PTPRD: variants seen among roughly 807,000 people sequenced by gnomAD.
PTPRD encodes receptor-type tyrosine-protein phosphatase delta.
In PTPRD, 34 loss-of-function variants were observed where a neutral mutation model predicts 214.5. The observed-to-expected ratio is 0.16, with a 90% CI of 0.12 to 0.21. The LOEUF is 0.21. Ranked by LOEUF, PTPRD falls within the 10% of genes least tolerant of loss-of-function variation. The pLI is 1.00. For missense variants in PTPRD, 2,545 were observed against 2,398.7 expected (o/e 1.06, Z -1.27); for synonymous variants, 1,128 against 845.7 (o/e 1.33, Z -5.79).
intron 8 of PTPRD, among the ~76,000 whole-genome samples, chr9:9,436,684 A>G (rs950518802): frequency 6.6e-6 from 1 of 151,614 alleles, no homozygotes; most frequent in African/African-American, 2.4e-5. Context: ...TGAAAAAAAA[A>G]ATCTCTCTAC....
intron 2 of PTPRD, among the ~76,000 whole-genome samples, chr9:10,559,128 A>G (rs1322308): frequency 0.01 from 1,551 of 152,208 alleles, 26 homozygotes; most frequent in African/African-American, 0.034. Context: ...AAACATGAAG[A>G]CCTTAAATGC....
chr9:10,479,658 T>TAAACAAACAAACAAACAAAC (rs1555402919), intron 2 of PTPRD, among the ~76,000 whole-genome samples: 1 of 145,812 alleles, frequency 6.9e-6, no homozygotes, highest in African/African-American at 2.5e-5. Context: ...AATAAATAAA[T>TAAACAAACAAACAAACAAAC]AAACAAAAAT....
At position 8,317,180 on chromosome 9, in the gene PTPRD, T is replaced by A. The variant is rs910364495; in HGVS notation, c.*694A>T. ...AAAATGTGCAAATTTTCAAATGATT[T>A]GATATTTCTACAGCAAGATATTACA... On this transcript the variant is annotated 3_prime_UTR_variant, in exon 46 of 46. Transcript: ENST00000381196. 4.3e-6 allele frequency: 1 copy of A among 231,956 alleles called. No individual in the cohort carries two copies. Among genetic ancestry groups the A allele is most frequent in the Non-Finnish European group, 8.5e-6 (1 of 117,076 alleles). The allele number at this position is 231,956 out of a possible 1,614,324, so 14.4% of individuals were successfully genotyped here. A position where few individuals can be genotyped will look rare whatever the true frequency, so the allele number is the denominator to read the frequency against.
chr9:10,235,418 G>T (rs2099625733), intron 3 of PTPRD, among the ~76,000 whole-genome samples: 1 of 152,026 alleles, frequency 6.6e-6, no homozygotes, highest in Non-Finnish European at 1.5e-5. Flanking sequence ...AAAGACTCAG[G>T]ACGCTAAAGA....
rs146695796 is a variant in PTPRD at position 9,795,979 on chromosome 9, G to A, written c.-367-29128C>T. ...AATATATCAATGACTATGCACCACCGTCACAAGAAAAAAGAAAATATATAG... is the reference window on the plus strand; with the variant it reads ...AATATATCAATGACTATGCACCACCATCACAAGAAAAAAGAAAATATATAG... On this transcript the variant is annotated intron_variant, in intron 5 of 45. Coordinates refer to ENST00000381196, the MANE Select transcript of PTPRD (RefSeq NM_002839.4). Among the ~76,000 whole-genome samples the A allele has an allele frequency of 2.3e-3, 343 of 151,712 alleles. 2 individuals carry two copies. Among genetic ancestry groups the A allele is most frequent in the African/African-American group, 7.9e-3 (325 of 41,390 alleles).
At chr9:9,059,856 G>A (rs953880629) in intron 10 of PTPRD, among the ~76,000 whole-genome samples, 1 of 151,970 alleles carries the variant, frequency 6.6e-6, no homozygotes, top group Non-Finnish European at 1.5e-5. Context: ...AAAATGTATA[G>A]GACCCCTACA....
chr9:9,998,861 AT>A (rs1410128799), intron 4 of PTPRD, among the ~76,000 whole-genome samples: 3 of 152,212 alleles, frequency 2.0e-5, no homozygotes, highest in Admixed American at 6.5e-5. Context: ...TCATGCTGCC[AT>A]TTGGAAGAAA....
chr9:9,507,372 T>C (rs906149504), intron 8 of PTPRD, among the ~76,000 whole-genome samples: 1 of 151,212 alleles, frequency 6.6e-6, no homozygotes, highest in Admixed American at 6.6e-5. Flanking sequence ...TTCTATATAC[T>C]TTCTTGGATT....
At chr9:8,722,599 C>T (rs1007890325) in intron 12 of PTPRD, among the ~76,000 whole-genome samples, 7 of 151,910 alleles carry the variant, frequency 4.6e-5, no homozygotes, top group African/African-American at 1.7e-4. Flanking sequence ...AATCCTATTG[C>T]TGTAATTTTG....
intron 11 of PTPRD, among the ~76,000 whole-genome samples, chr9:8,933,663 A>G (rs1006395073): frequency 6.6e-6 from 1 of 152,120 alleles, no homozygotes; most frequent in African/African-American, 2.4e-5. Context: ...CTATAGAAAT[A>G]TTTGACTCAA....
chr9:9,443,504 C>T (rs754747481), intron 8 of PTPRD, among the ~76,000 whole-genome samples: 5 of 152,198 alleles, frequency 3.3e-5, no homozygotes, highest in Non-Finnish European at 7.3e-5. Flanking sequence ...AGAAGTTTGA[C>T]TTTGCCAGAT....
intron 8 of PTPRD, among the ~76,000 whole-genome samples, chr9:9,405,657 A>G (rs1161086606): frequency 1.3e-5 from 2 of 152,076 alleles, no homozygotes; most frequent in African/African-American, 4.8e-5. Context: ...TTTTTAAAGC[A>G]AAATAAAGCT....
At chr9:10,508,790 G>A (rs2046972961) in intron 2 of PTPRD, among the ~76,000 whole-genome samples, 1 of 151,966 alleles carries the variant, frequency 6.6e-6, no homozygotes, top group African/African-American at 2.4e-5. Context: ...ACTGGGGCCT[G>A]TCGTGGGGTG....
At chr9:9,804,772 A>G (rs2099062618) in intron 5 of PTPRD, among the ~76,000 whole-genome samples, 1 of 151,754 alleles carries the variant, frequency 6.6e-6, no homozygotes, top group Admixed American at 6.6e-5. Flanking sequence ...TGCTTTTTAT[A>G]TATAAAATGT....
intron 10 of PTPRD, among the ~76,000 whole-genome samples, chr9:9,168,616 T>A (rs931837073): frequency 6.6e-6 from 1 of 152,208 alleles, no homozygotes; most frequent in East Asian, 1.9e-4. Context: ...AAAAAACGAT[T>A]TTTTTGCACT....
At chr9:10,093,242 T>C (rs534267190) in intron 3 of PTPRD, among the ~76,000 whole-genome samples, 2 of 150,958 alleles carry the variant, frequency 1.3e-5, no homozygotes, top group African/African-American at 4.8e-5. Flanking sequence ...GAAACTTAAA[T>C]CAACAAGCAA....
At chr9:8,856,331 C>G (rs2097915115) in intron 11 of PTPRD, among the ~76,000 whole-genome samples, 1 of 152,082 alleles carries the variant, frequency 6.6e-6, no homozygotes, top group Admixed American at 6.6e-5. Flanking sequence ...TGAAAATGGT[C>G]AGAAGTATCT....
intron 11 of PTPRD, among the ~76,000 whole-genome samples, chr9:9,005,939 A>T (rs369346364): frequency 6.6e-6 from 1 of 152,034 alleles, no homozygotes. Flanking sequence ...TATTTGGAAA[A>T]TATACAGTTC....
rs75797442 is a variant in PTPRD, at chr9:9,639,956, A to C, written c.-286-65175T>G. ...TTTGTTCTGTAGAGTATGAGGAATT[A>C]ATTATTACTTGATGATAGAAACACC... On this transcript the variant is annotated intron_variant, in intron 7 of 45. Coordinates refer to ENST00000381196, the MANE Select transcript of PTPRD (RefSeq NM_002839.4). Among the ~76,000 whole-genome samples the C allele has an allele frequency of 3.0e-3, 456 of 152,340 alleles. 9 individuals are homozygous for C. The highest frequency in any genetic ancestry group is 0.022 in the Admixed American group (344 of 15,308).
Sources: allele counts gnomAD v4.1 joint callset (sites outside exome capture counted in the v4.1 genomes callset), GRCh38; gene constraint gnomAD v4.1.1; transcripts MANE v1.5; gene names NCBI Gene and HGNC (gene_info 2026-07-23, HGNC 2026-07-21).